UNC13B: variants seen among roughly 807,000 people sequenced by gnomAD.
UNC13B encodes unc-13 homolog B.
In UNC13B, 144 loss-of-function variants were observed where a neutral mutation model predicts 211.0. The observed-to-expected ratio is 0.68, with a 90% CI of 0.60 to 0.78. The LOEUF (loss-of-function observed/expected upper bound fraction) is 0.78, where lower values mean the gene tolerates loss of function less well. Ranked by LOEUF, UNC13B falls within the 30% of genes least tolerant of loss-of-function variation. The pLI is 0.00. For synonymous variants in UNC13B, 709 were observed against 725.8 expected (o/e 0.98, Z 0.37); for missense variants, 1,777 against 2,002.0 (o/e 0.89, Z 2.14).
intron 11 of UNC13B, among the ~76,000 whole-genome samples, chr9:35,344,137 GC>G (rs1283453568): frequency 2.0e-5 from 3 of 152,210 alleles, no homozygotes; most frequent in African/African-American, 7.2e-5. Flanking sequence ...CCCTGTCACA[GC>G]ATCCCTGGGG....
At chr9:35,394,107 A>G (rs1835721561) in intron 26 of UNC13B, among the ~76,000 whole-genome samples, 1 of 152,142 alleles carries the variant, frequency 6.6e-6, no homozygotes, top group Non-Finnish European at 1.5e-5. Context: ...TTCCAGAGAC[A>G]TTTGGAGGTG....
At position 35,300,918 on chromosome 9, in the gene UNC13B, C is replaced by CG; in HGVS notation, c.1515dup (p.Pro506AlafsTer14). ...AGTACTCTTGATGCAGAACAGAGAA[C>CG]GCCTGGGGATCAAATACCACCTTTA... On this transcript the variant is annotated frameshift_variant, in exon 9 of 40. Transcript: ENST00000635942. LOFTEE classifies it high-confidence loss of function. The CG allele has an allele frequency of 5.0e-6, 2 of 398,874 alleles. No individual in the cohort carries two copies. The highest frequency in any genetic ancestry group is 8.8e-6 in the Non-Finnish European group (2 of 226,000). 24.7% of individuals were successfully genotyped at this position (398,874 alleles called of 1,614,324 possible).
chr9:35,210,976 C>T (rs1333228356), intron 1 of UNC13B, among the ~76,000 whole-genome samples: 2 of 151,836 alleles, frequency 1.3e-5, no homozygotes, highest in East Asian at 3.9e-4. Flanking sequence ...CTCAATGAAT[C>T]CTCCTGCCTC....
At chr9:35,329,067 A>G (rs1291448551) in intron 11 of UNC13B, among the ~76,000 whole-genome samples, 4 of 151,820 alleles carry the variant, frequency 2.6e-5, no homozygotes, top group Middle Eastern at 3.4e-3. Context: ...CACCTCGCCC[A>G]GCCCCGAATT....
chr9:35,321,193 G>A (rs540193493), intron 11 of UNC13B, among the ~76,000 whole-genome samples: 1 of 151,750 alleles, frequency 6.6e-6, no homozygotes, highest in African/African-American at 2.4e-5. Flanking sequence ...TCTTATATAG[G>A]TATTTTATAA....
chr9:35,219,916 G>A (rs1824479327), intron 1 of UNC13B, among the ~76,000 whole-genome samples: 1 of 151,968 alleles, frequency 6.6e-6, no homozygotes, highest in Non-Finnish European at 1.5e-5. Flanking sequence ...TGTCTATCAT[G>A]CAGATATTCA....
At chr9:35,231,922 A>C (rs1046343469) in intron 3 of UNC13B, among the ~76,000 whole-genome samples, 3 of 151,982 alleles carry the variant, frequency 2.0e-5, no homozygotes, top group Non-Finnish European at 4.4e-5. Flanking sequence ...TGGGCAAATC[A>C]TTTAGCTTCA....
At chr9:35,345,562 G>A (rs1302143237) in intron 11 of UNC13B, among the ~76,000 whole-genome samples, 1 of 152,166 alleles carries the variant, frequency 6.6e-6, no homozygotes, top group Non-Finnish European at 1.5e-5. Flanking sequence ...TGACCTGGCT[G>A]GATTCTTGTT....
At chr9:35,230,037 T>G (rs1346093348) in intron 2 of UNC13B, among the ~76,000 whole-genome samples, 3 of 152,130 alleles carry the variant, frequency 2.0e-5, no homozygotes, top group African/African-American at 7.2e-5. Context: ...TGTAGTGAGG[T>G]GAGTGCCAAA....
chr9:35,256,548 T>A (rs1564097128), intron 6 of UNC13B, among the ~76,000 whole-genome samples: 1 of 152,186 alleles, frequency 6.6e-6, no homozygotes. Context: ...CATGAAAAAG[T>A]ATGGGGTTTT....
chr9:35,203,446 G>A lies in UNC13B; in HGVS notation c.23-24569G>A, dbSNP rs576123919. Among the ~76,000 whole-genome samples, 4 of 152,294 alleles carry A rather than the reference G, an allele frequency of 2.6e-5. No individual in the cohort carries two copies. In the East Asian group the frequency reaches 5.8e-4, roughly 22 times the overall value. On this transcript the variant is annotated intron_variant, in intron 1 of 39. Coordinates refer to ENST00000635942, the MANE Select transcript of UNC13B (RefSeq NM_001371189.2). The stretch of plus-strand genomic sequence containing the variant: ...AGTTTGGCTGGATATGAAATTCTGG[G>A]TTGAAAATTCTTTTCTTTACGAATG...
chr9:35,268,579 A>T (rs577739121), intron 7 of UNC13B, among the ~76,000 whole-genome samples: 1 of 152,282 alleles, frequency 6.6e-6, no homozygotes, highest in African/African-American at 2.4e-5. Context: ...AGATTGCACC[A>T]CTGTACTCCA....
At chr9:35,385,600 GC>G (rs1308563475) in intron 22 of UNC13B, 123 bp from the exon 23 acceptor site, 1 of 1,418,812 alleles carries the variant, frequency 7.0e-7, no homozygotes, top group African/African-American at 1.4e-5. Flanking sequence ...AGTGTTTTTG[GC>G]CAGCTCAACT....
intron 26 of UNC13B, 64 bp from the exon 27 acceptor site, chr9:35,396,412 G>A (rs1010089930): frequency 1.2e-6 from 2 of 1,602,386 alleles, no homozygotes; most frequent in African/African-American, 1.3e-5. Flanking sequence ...TGCTGCCTTG[G>A]GAAGGCTCAG....
At chr9:35,342,739 C>G (rs1388347379) in intron 11 of UNC13B, among the ~76,000 whole-genome samples, 1 of 152,220 alleles carries the variant, frequency 6.6e-6, no homozygotes, top group Non-Finnish European at 1.5e-5. Context: ...ATTCATCCAG[C>G]TTGCATATAT....
At chr9:35,329,704 G>T (rs2131957792) in intron 11 of UNC13B, among the ~76,000 whole-genome samples, 1 of 152,062 alleles carries the variant, frequency 6.6e-6, no homozygotes, top group Non-Finnish European at 1.5e-5. Flanking sequence ...GCCCAGGCTG[G>T]TCTCGAACTC....
intron 1 of UNC13B, among the ~76,000 whole-genome samples, chr9:35,164,442 T>G (rs1820930301): frequency 6.6e-6 from 1 of 152,276 alleles, no homozygotes; most frequent in Admixed American, 6.5e-5. Flanking sequence ...TGGAGTAGAA[T>G]CAATTAGAAA....
intron 1 of UNC13B, among the ~76,000 whole-genome samples, chr9:35,167,589 T>C (rs1004650648): frequency 3.4e-5 from 5 of 144,942 alleles, no homozygotes; most frequent in African/African-American, 1.3e-4. Context: ...TTTGTAGGTT[T>C]TTTTTTTTTT....
At chr9:35,360,202 A>G (rs919370281) in intron 11 of UNC13B, among the ~76,000 whole-genome samples, 2 of 152,198 alleles carry the variant, frequency 1.3e-5, no homozygotes, top group East Asian at 1.9e-4. Context: ...CTCTACCTCC[A>G]TCATCAGGGG....
Sources: allele counts gnomAD v4.1 joint callset (sites outside exome capture counted in the v4.1 genomes callset), GRCh38; gene constraint gnomAD v4.1.1; transcripts MANE v1.5; gene names NCBI Gene and HGNC (gene_info 2026-07-23, HGNC 2026-07-21).